Variants in CSMD1 observed in about 807,000 individuals in gnomAD.
CSMD1 encodes CUB and Sushi multiple domains 1, also known as CUB and sushi domain-containing protein 1.
In CSMD1, 213 loss-of-function variants were observed where a neutral mutation model predicts 417.5. The ratio of observed to expected loss-of-function variants is 0.51; its 90% CI spans 0.46 to 0.57. CSMD1 has a LOEUF of 0.57. Ranked by LOEUF, CSMD1 falls within the 20% of genes least tolerant of loss-of-function variation. CSMD1 has a pLI of 0.00. For missense variants in CSMD1, 6,923 were observed against 4,529.7 expected, an observed-to-expected ratio of 1.53 and a Z score of -15.17; for synonymous variants, 2,862 against 1,736.8, an observed-to-expected ratio of 1.65 and a Z score of -16.11.
At chr8:3,979,165 C>T (rs938383690) in intron 5 of CSMD1, among the ~76,000 whole-genome samples, 3 of 152,218 alleles carry the variant, frequency 2.0e-5, no homozygotes, top group Non-Finnish European at 4.4e-5. Context: ...TTTACAACAC[C>T]TGTGAGATCT....
At chr8:4,127,551 T>A (rs1294997882) in intron 3 of CSMD1, among the ~76,000 whole-genome samples, 2 of 151,826 alleles carry the variant, frequency 1.3e-5, no homozygotes, top group Non-Finnish European at 2.9e-5. Context: ...TCCTAGTCAG[T>A]TTTCCTTCCT....
intron 1 of CSMD1, among the ~76,000 whole-genome samples, chr8:4,937,016 G>A (rs1445190102): frequency 2.0e-5 from 3 of 152,132 alleles, no homozygotes; most frequent in African/African-American, 7.2e-5. Context: ...TTGGAGACCA[G>A]CCTGGCCAAA....
At chr8:3,276,176 G>C (rs544812751) in intron 26 of CSMD1, among the ~76,000 whole-genome samples, 2 of 152,064 alleles carry the variant, frequency 1.3e-5, no homozygotes, top group Non-Finnish European at 2.9e-5. Flanking sequence ...AGGTCTGTTG[G>C]AGTACTCGGC....
intron 5 of CSMD1, among the ~76,000 whole-genome samples, chr8:3,789,660 C>T (rs769453316): frequency 6.7e-6 from 1 of 150,136 alleles, no homozygotes; most frequent in Admixed American, 6.6e-5. Context: ...CCCAAAATTG[C>T]TTAATGAGAC....
chr8:4,173,284 T>C (rs1481384403), intron 3 of CSMD1, among the ~76,000 whole-genome samples: 5 of 152,198 alleles, frequency 3.3e-5, no homozygotes, highest in Non-Finnish European at 7.3e-5. Context: ...AAATGTTCTT[T>C]GTCTGAGTTC....
chr8:3,057,177 C>A (rs1045023826), intron 49 of CSMD1, among the ~76,000 whole-genome samples: 2 of 152,042 alleles, frequency 1.3e-5, no homozygotes, highest in African/African-American at 4.8e-5. Context: ...CACACACACA[C>A]GTGGTAAATA....
intron 1 of CSMD1, among the ~76,000 whole-genome samples, chr8:4,725,015 G>A (rs373793666): frequency 6.6e-6 from 1 of 152,044 alleles, no homozygotes; most frequent in Non-Finnish European, 1.5e-5. Flanking sequence ...GAAAGAACAC[G>A]TTTTAAATAT....
chr8:4,051,357 T>G (rs1798415589), intron 3 of CSMD1, among the ~76,000 whole-genome samples: 1 of 151,546 alleles, frequency 6.6e-6, no homozygotes. Flanking sequence ...CGGCAGCTTC[T>G]TTCACTGTTG....
intron 2 of CSMD1, among the ~76,000 whole-genome samples, chr8:4,598,428 C>T (rs1800396875): frequency 1.3e-5 from 2 of 152,186 alleles, no homozygotes; most frequent in African/African-American, 4.8e-5. Flanking sequence ...GAAATCACTG[C>T]TATCAGCCAG....
chr8:4,069,612 T>C (rs543274847), intron 3 of CSMD1, among the ~76,000 whole-genome samples: 87 of 152,180 alleles, frequency 5.7e-4, no homozygotes, highest in Non-Finnish European at 1.1e-3. Context: ...CGTAATACCA[T>C]CTGGCCTGTA....
At chr8:3,689,451 G>C (rs562669742) in intron 7 of CSMD1, among the ~76,000 whole-genome samples, 1 of 152,182 alleles carries the variant, frequency 6.6e-6, no homozygotes, top group African/African-American at 2.4e-5. Context: ...AGTAATTATG[G>C]ATAGACGTAG....
At chr8:4,434,405 T>C (rs909495304) in intron 2 of CSMD1, among the ~76,000 whole-genome samples, 1 of 152,236 alleles carries the variant, frequency 6.6e-6, no homozygotes, top group East Asian at 1.9e-4. Context: ...TCTGAGTGTT[T>C]GGCAGCACAA....
chr8:4,372,762 C>T (rs889503581), intron 3 of CSMD1, among the ~76,000 whole-genome samples: 1 of 150,556 alleles, frequency 6.6e-6, no homozygotes, highest in African/African-American at 2.4e-5. Context: ...AAAAAAGTAG[C>T]ATTGGATAAC....
intron 1 of CSMD1, among the ~76,000 whole-genome samples, chr8:4,834,829 C>A (rs1379629348): frequency 2.7e-5 from 4 of 150,720 alleles, no homozygotes; most frequent in Non-Finnish European, 4.4e-5. Flanking sequence ...TGGTGGTGGG[C>A]GCCTGTAATC....
At chr8:3,408,542 C>G (rs1281696858) in intron 13 of CSMD1, among the ~76,000 whole-genome samples, 2 of 151,134 alleles carry the variant, frequency 1.3e-5, no homozygotes, top group Non-Finnish European at 2.9e-5. Context: ...TTTCTGCCTT[C>G]AGAAGAGCAA....
chr8:4,529,616 A>T (rs184997081), intron 2 of CSMD1, among the ~76,000 whole-genome samples: 6 of 152,314 alleles, frequency 3.9e-5, no homozygotes, highest in Non-Finnish European at 7.4e-5. Context: ...TTTAACAAAG[A>T]CAAAAGACAA....
intron 2 of CSMD1, among the ~76,000 whole-genome samples, chr8:4,538,600 A>G (rs1205805665): frequency 2.0e-5 from 3 of 152,066 alleles, no homozygotes; most frequent in African/African-American, 7.2e-5. Context: ...CCGAGATCGC[A>G]CCACTGTACT....
intron 2 of CSMD1, among the ~76,000 whole-genome samples, chr8:4,453,183 ACACACAGACACACC>A (rs954530108): frequency 1.7e-4 from 25 of 146,754 alleles, no homozygotes; most frequent in Admixed American, 4.9e-4. Flanking sequence ...CTCCATCCCA[ACACACAGACACACC>A]CACACAGACA....
chr8:4,702,439 G>C (rs1486638356), intron 1 of CSMD1, among the ~76,000 whole-genome samples: 1 of 152,142 alleles, frequency 6.6e-6, no homozygotes, highest in Admixed American at 6.5e-5. Context: ...ACATCTTGAA[G>C]TTCACTCTGG....
Sources: gnomAD v4.1 joint callset for allele counts (sites outside exome capture counted in the v4.1 genomes callset) on GRCh38, gnomAD v4.1.1 for gene constraint, MANE v1.5 for transcripts, NCBI Gene and HGNC (gene_info 2026-07-23, HGNC 2026-07-21) for gene names.